Variants in FAM184A observed in about 807,000 individuals in gnomAD.
FAM184A encodes the protein protein FAM184A.
In FAM184A, 99 loss-of-function variants were observed where a neutral mutation model predicts 143.8. The ratio of observed to expected loss-of-function variants is 0.69; its 90% confidence interval spans 0.58 to 0.81. The LOEUF (loss-of-function observed/expected upper bound fraction) is 0.81, where lower values mean the gene tolerates loss of function less well. FAM184A is among the 40% of genes least tolerant of loss of function. FAM184A has a pLI of 0.00. For missense variants in FAM184A, 1,217 were observed against 1,310.5 expected (o/e 0.93, Z 1.10); for synonymous variants, 427 against 446.4 (o/e 0.96, Z 0.55).
chr6:119,057,137 T>C (rs1405768657), intron 1 of FAM184A, among the ~76,000 whole-genome samples: 1 of 152,192 alleles, frequency 6.6e-6, no homozygotes, highest in Non-Finnish European at 1.5e-5. Flanking sequence ...CAATAAATGC[T>C]GCTGCCCAAA....
chr6:118,994,330 A>AAAATAAATAAAT (rs140437416), intron 9 of FAM184A, among the ~76,000 whole-genome samples: 6 of 150,490 alleles, frequency 4.0e-5, no homozygotes, highest in East Asian at 2.0e-4. Context: ...ACCTCGAGTT[A>AAAATAAATAAAT]AAATAAATAA....
intron 1 of FAM184A, among the ~76,000 whole-genome samples, chr6:119,037,772 T>C (rs916207194): frequency 2.6e-5 from 4 of 152,210 alleles, no homozygotes; most frequent in Admixed American, 2.6e-4. Flanking sequence ...AGTTTCAACC[T>C]TCAAAATTTT....
At chr6:119,143,110 G>A (rs1040419183) in intron 1 of FAM184A, among the ~76,000 whole-genome samples, 1 of 152,188 alleles carries the variant, frequency 6.6e-6, no homozygotes, top group African/African-American at 2.4e-5. Context: ...TTTCAGAACT[G>A]TGAAAGAATA....
In FAM184A at chr6:119,024,793, A is replaced by C. The variant is rs1417296183; in HGVS notation, c.180T>G (p.Thr60=). 2 of 1,608,724 alleles carry C rather than the reference A, an allele frequency of 1.2e-6. No homozygotes were observed. The highest frequency in any genetic ancestry group is 2.7e-5 in the African/African-American group (2 of 74,510). ...QLTKVIYALN[T]KNDEHESAIQ... ...TTGCAGATTCATGCTCATCATTTTT[A>C]GTGTTTAAAGCATATATTACCTGCA... The change falls in exon 2 of 18, where the codon ACT becomes ACG. Residue 60 remains threonine, a synonymous_variant. Coordinates refer to ENST00000338891, the MANE Select transcript of FAM184A (RefSeq NM_024581.6).
At chr6:119,024,926 C>T in intron 1 of FAM184A, 113 bp from the exon 2 acceptor site, 2 of 991,762 alleles carry the variant, frequency 2.0e-6, no homozygotes, top group Middle Eastern at 3.2e-4. Context: ...ATATTGGCTA[C>T]AGCTAATGTT....
At chr6:118,989,790 T>C (rs1007382862) in intron 9 of FAM184A, among the ~76,000 whole-genome samples, 1 of 149,652 alleles carries the variant, frequency 6.7e-6, no homozygotes, top group Non-Finnish European at 1.5e-5. Flanking sequence ...CTTTTAGTTG[T>C]AGTATTTTTA....
At chr6:118,985,933 T>A (rs1416177255) in intron 9 of FAM184A, among the ~76,000 whole-genome samples, 3 of 152,176 alleles carry the variant, frequency 2.0e-5, no homozygotes, top group Non-Finnish European at 4.4e-5. Context: ...TGCTCAAATA[T>A]TTTAATTATA....
At chr6:118,975,327 T>A in intron 12 of FAM184A, 119 bp from the exon 13 acceptor site, 1 of 735,382 alleles carries the variant, frequency 1.4e-6, no homozygotes, top group Non-Finnish European at 2.1e-6. Context: ...CATTGCTTCT[T>A]CAAAAGCAAA....
chr6:119,041,492 G>A (rs1162329202), intron 1 of FAM184A, among the ~76,000 whole-genome samples: 1 of 152,300 alleles, frequency 6.6e-6, no homozygotes, highest in East Asian at 1.9e-4. Context: ...AGAGCACAGC[G>A]GGAGGGACAA....
At chr6:118,976,663 CAAAA>C (rs79157029) in intron 11 of FAM184A, among the ~76,000 whole-genome samples, 27,912 of 120,640 alleles carry the variant, frequency 0.23, 3,096 homozygotes, top group Non-Finnish European at 0.3. Context: ...GACTCCATCT[CAAAA>C]AAAAAAAAAA....
Position 119,078,399 on chromosome 6 carries a change from C to A in FAM184A, c.-100G>T. 8.3e-7 allele frequency: 1 copy of A among 1,203,308 alleles called. No individual in the cohort carries two copies. Among genetic ancestry groups the A allele is most frequent in the South Asian group, 1.9e-5 (1 of 53,662 alleles). 74.5% of individuals were successfully genotyped at this position (1,203,308 alleles called of 1,614,324 possible). ...GGCAAGAGTCGCGGCGGCCGCTTCC[C>A]GACCCGACACCCGGCGCCCCCCAGA... On this transcript the variant is annotated 5_prime_UTR_variant, in exon 1 of 18. Transcript: ENST00000338891. The surrounding 1 kb of genome is among the most constrained non-coding windows in gnomAD (Gnocchi z 5.5).
At chr6:119,122,405 G>C (rs1228321076) in intron 1 of FAM184A, among the ~76,000 whole-genome samples, 5 of 150,710 alleles carry the variant, frequency 3.3e-5, no homozygotes, top group Non-Finnish European at 7.5e-5. Flanking sequence ...TTTACAAAGG[G>C]TTGTAGCCAG....
intron 16 of FAM184A, chr6:118,962,555 T>C (rs147168081): frequency 2.0e-5 from 3 of 152,906 alleles, no homozygotes; most frequent in African/African-American, 7.2e-5. Context: ...GTGACATCTA[T>C]CTTTCTGAAG....
chr6:119,134,325 C>T (rs539139376), intron 1 of FAM184A, among the ~76,000 whole-genome samples: 12 of 152,110 alleles, frequency 7.9e-5, no homozygotes, highest in South Asian at 2.1e-4. Flanking sequence ...CTAAACTGTG[C>T]GGTACCAGTT....
intron 3 of FAM184A, among the ~76,000 whole-genome samples, chr6:119,022,358 C>A (rs1039513610): frequency 6.6e-5 from 10 of 151,794 alleles, no homozygotes; most frequent in African/African-American, 2.4e-4. Context: ...CATGCCCAGC[C>A]CGTTTTTCTT....
At chr6:119,093,414 C>G (rs1307589601) in intron 1 of FAM184A, among the ~76,000 whole-genome samples, 5 of 152,178 alleles carry the variant, frequency 3.3e-5, no homozygotes, top group Non-Finnish European at 7.3e-5. Context: ...GAATTACACT[C>G]TCCTGTATTC....
chr6:118,967,032 T>A (rs1319969235), intron 14 of FAM184A, 80 bp from the exon 15 acceptor site: 3 of 663,372 alleles, frequency 4.5e-6, no homozygotes, highest in South Asian at 2.1e-5. Flanking sequence ...AAAATTAGTC[T>A]AGTTGAACAC....
intron 9 of FAM184A, among the ~76,000 whole-genome samples, chr6:118,985,615 G>A (rs773345557): frequency 2.0e-5 from 3 of 152,090 alleles, no homozygotes; most frequent in Non-Finnish European, 4.4e-5. Context: ...TACAACAGCT[G>A]TTCTCCCTCC....
At chr6:119,001,615 T>C (rs1311731189) in intron 9 of FAM184A, among the ~76,000 whole-genome samples, 1 of 152,022 alleles carries the variant, frequency 6.6e-6, no homozygotes, top group Non-Finnish European at 1.5e-5. Context: ...GACAAACTAA[T>C]ACAAGAGATT....
Sources: allele counts gnomAD v4.1 joint callset (sites outside exome capture counted in the v4.1 genomes callset), GRCh38; gene constraint gnomAD v4.1.1; non-coding constraint Gnocchi (gnomAD v3.1); transcripts MANE v1.5; gene names NCBI Gene and HGNC (gene_info 2026-07-23, HGNC 2026-07-21).